KBTBD11: variants seen among roughly 807,000 people sequenced by gnomAD.
The protein encoded by KBTBD11 is kelch repeat and BTB domain-containing protein 11.
For missense variants in KBTBD11, 1,390 were observed against 1,001.8 expected (o/e 1.39, Z -5.23); for synonymous variants, 747 against 499.0 (o/e 1.50, Z -6.63).
chr8:1,977,865 A>G (rs1563361203), intron 1 of KBTBD11, among the ~76,000 whole-genome samples: 1 of 152,142 alleles, frequency 6.6e-6, no homozygotes. Flanking sequence ...AATTCTTACA[A>G]TAGTGGGCCT....
Position 2,001,404 on chromosome 8 carries a change from C to T in KBTBD11, c.212C>T (p.Pro71Leu). 1 of 1,406,228 alleles carries T rather than the reference C, an allele frequency of 7.1e-7. No homozygotes were observed. Among genetic ancestry groups the T allele is most frequent in the Non-Finnish European group, 9.2e-7 (1 of 1,083,784 alleles). 87.1% of individuals were successfully genotyped at this position (1,406,228 alleles called of 1,614,324 possible). The change falls in exon 2 of 2, where the codon CCG becomes CTG. Residue 71 changes from proline to leucine, a missense_variant. Pro to Leu is a moderately conservative substitution (Grantham distance 98). Coordinates refer to ENST00000320248, the MANE Select transcript of KBTBD11 (RefSeq NM_014867.3). ...AATSPPSSGGPRVVERQWEAG... is the reference protein window; with the variant it reads ...AATSPPSSGGLRVVERQWEAG... ...ACCTCCCCGCCCTCCAGCGGTGGCCCGCGGGTGGTGGAGCGGCAGTGGGAG... is the reference window on the plus strand; with the variant it reads ...ACCTCCCCGCCCTCCAGCGGTGGCCTGCGGGTGGTGGAGCGGCAGTGGGAG...
chr8:1,975,209 C>G (rs1231339425), intron 1 of KBTBD11: 1 of 152,234 alleles, frequency 6.6e-6, no homozygotes, highest in African/African-American at 2.4e-5. Context: ...CAGGGCATAA[C>G]TAAGTAAAAA....
At position 2,006,829 on chromosome 8, in the gene KBTBD11, G is replaced by A. The variant is rs1469189608; in HGVS notation, c.*3765G>A. The stretch of plus-strand genomic sequence containing the variant: ...AGCTGTTGTGATCTGTGTAGTTAAT[G>A]TATTTATTAATGCTTGACTTTTAAA... On this transcript the variant is annotated 3_prime_UTR_variant, in exon 2 of 2. Coordinates refer to ENST00000320248, the MANE Select transcript of KBTBD11 (RefSeq NM_014867.3). 13 of 167,090 alleles carry A rather than the reference G, an allele frequency of 7.8e-5. No individual in the cohort carries two copies. Among genetic ancestry groups the A allele is most frequent in the Non-Finnish European group, 2.9e-5 (2 of 68,134 alleles). 10.4% of individuals were successfully genotyped at this position (167,090 alleles called of 1,614,324 possible).
chr8:1,974,449 G>A (rs1438799619), intron 1 of KBTBD11: 1 of 984,192 alleles, frequency 1.0e-6, no homozygotes, highest in African/African-American at 1.8e-5. Context: ...CTTGGCTCTC[G>A]GCGGTCGCGG....
chr8:1,997,916 C>T (rs1430840706), intron 1 of KBTBD11, among the ~76,000 whole-genome samples: 2 of 152,150 alleles, frequency 1.3e-5, no homozygotes, highest in Admixed American at 6.5e-5. Context: ...GGAAGGGGCT[C>T]CTCAGAAGGA....
Position 2,002,005 on chromosome 8 carries a change from C to A in KBTBD11, c.813C>A (p.Ala271=). Residue 271 remains alanine, a synonymous_variant, in exon 2 of 2, where the codon GCC becomes GCA. Transcript: ENST00000320248. The surrounding 1 kb of genome is among the most constrained non-coding windows in gnomAD (Gnocchi z 4.1). ...ATCTGGAGGTGCTGCGCGAGCCCGC[C>A]GTGTTCGGCCGCCTGTCGGGCGCAG... is the stretch of plus-strand genomic sequence containing the variant. The part of the protein sequence containing the change: ...DHYLEVLREP[A]VFGRLSGAER... The A allele has an allele frequency of 7.0e-7, 1 of 1,418,734 alleles. No individual in the cohort carries two copies. Among genetic ancestry groups the A allele is most frequent in the African/African-American group, 1.5e-5 (1 of 66,948 alleles). The allele number at this position is 1,418,734 out of a possible 1,614,324, so 87.9% of individuals were successfully genotyped here.
chr8:1,976,311 T>C (rs1007994514), intron 1 of KBTBD11: 23 of 152,130 alleles, frequency 1.5e-4, no homozygotes, highest in African/African-American at 5.3e-4. Context: ...CTTGAAATCA[T>C]TGTAATTAAG....
intron 1 of KBTBD11, among the ~76,000 whole-genome samples, chr8:1,989,697 C>T (rs1281310539): frequency 1.3e-5 from 2 of 152,200 alleles, no homozygotes; most frequent in Non-Finnish European, 2.9e-5. Flanking sequence ...GAGCTCATAG[C>T]AGGCAGTGGT....
intron 1 of KBTBD11, among the ~76,000 whole-genome samples, chr8:1,980,995 G>A (rs1438723744): frequency 2.6e-5 from 4 of 152,166 alleles, no homozygotes; most frequent in Non-Finnish European, 5.9e-5. Flanking sequence ...TTGCAACAGG[G>A]CAAAATAGTA....
chr8:1,984,987 G>A (rs886438301), intron 1 of KBTBD11, among the ~76,000 whole-genome samples: 3 of 152,164 alleles, frequency 2.0e-5, no homozygotes, highest in African/African-American at 7.2e-5. Context: ...GAATCAGGGT[G>A]GAATGGCCTG....
chr8:1,975,041 C>T (rs1585712727), intron 1 of KBTBD11: 1 of 152,330 alleles, frequency 6.6e-6, no homozygotes, highest in Admixed American at 6.5e-5. Flanking sequence ...TCAATGGAAC[C>T]CTTCAGCCTT....
At chr8:1,981,414 G>A (rs1816536780) in intron 1 of KBTBD11, among the ~76,000 whole-genome samples, 1 of 152,226 alleles carries the variant, frequency 6.6e-6, no homozygotes, top group Middle Eastern at 3.4e-3. Context: ...CTGTAACGAT[G>A]GTATGTAAAT....
At position 2,003,362 on chromosome 8, in the gene KBTBD11, G is replaced by A; in HGVS notation, c.*298G>A. 1 of 309,974 alleles carries A rather than the reference G, an allele frequency of 3.2e-6. No homozygotes were observed. Among genetic ancestry groups the A allele is most frequent in the Non-Finnish European group, 6.0e-6 (1 of 166,948 alleles). 19.2% of individuals were successfully genotyped at this position (309,974 alleles called of 1,614,324 possible). On this transcript the variant is annotated 3_prime_UTR_variant, in exon 2 of 2. Transcript: ENST00000320248. Reference sequence around the variant, plus strand: ...AGGGTCAGCCTCAGGGTACAGTGGGGGTTCCTGAGGCAGCCTGCAGCCGGC... The same window carrying A: ...AGGGTCAGCCTCAGGGTACAGTGGGAGTTCCTGAGGCAGCCTGCAGCCGGC...
intron 1 of KBTBD11, among the ~76,000 whole-genome samples, chr8:1,995,088 AAG>A (rs1284924955): frequency 4.6e-5 from 7 of 150,614 alleles, no homozygotes; most frequent in Admixed American, 2.6e-4. Flanking sequence ...AAAAAGCTAA[AAG>A]AGTATATACA....
chr8:1,981,093 C>A (rs1816525757), intron 1 of KBTBD11, among the ~76,000 whole-genome samples: 1 of 152,194 alleles, frequency 6.6e-6, no homozygotes, highest in Non-Finnish European at 1.5e-5. Flanking sequence ...CAGTGAATTT[C>A]ATAGCAGAAA....
chr8:1,976,235 T>C (rs1816339007), intron 1 of KBTBD11: 1 of 152,120 alleles, frequency 6.6e-6, no homozygotes, highest in Admixed American at 6.5e-5. Flanking sequence ...GGGCGATATC[T>C]GCCCTTCTCC....
chr8:1,988,572 T>A (rs150126434), intron 1 of KBTBD11, among the ~76,000 whole-genome samples: 234 of 152,372 alleles, frequency 1.5e-3, no homozygotes, highest in African/African-American at 5.3e-3. Context: ...CACTTTTTGA[T>A]GACTTTTTTC....
At chr8:1,980,245 T>TTTTTG (rs1816494938) in intron 1 of KBTBD11, among the ~76,000 whole-genome samples, 2 of 148,924 alleles carry the variant, frequency 1.3e-5, no homozygotes, top group African/African-American at 5.1e-5. Context: ...TTTTTTTTTT[T>TTTTTG]GAGATGGGGT....
rs1817358500 is a variant in KBTBD11 at position 2,001,556 on chromosome 8, G to A, written c.364G>A (p.Glu122Lys). ...VWLEDPASPE[E>K]PGEPAPVPPG... ...GCTTGAGGACCCCGCGTCCCCCGAG[G>A]AGCCCGGGGAGCCCGCGCCCGTACC... is the stretch of plus-strand genomic sequence containing the variant. The change falls in exon 2 of 2, where the codon GAG becomes AAG. Residue 122 changes from glutamate (E) to lysine (K), a missense_variant. Glu to Lys is a moderately conservative substitution (Grantham distance 56). Coordinates refer to ENST00000320248, the MANE Select transcript of KBTBD11 (RefSeq NM_014867.3). 2 of 1,430,212 alleles carry A rather than the reference G, an allele frequency of 1.4e-6. No homozygotes were observed. The highest frequency in any genetic ancestry group is 2.8e-5 in the Admixed American group (1 of 35,862). 88.6% of individuals were successfully genotyped at this position (1,430,212 alleles called of 1,614,324 possible). A position where few individuals can be genotyped will look rare whatever the true frequency, so the allele number is the denominator to read the frequency against.
Sources: gnomAD v4.1 joint callset for allele counts (sites outside exome capture counted in the v4.1 genomes callset) on GRCh38, gnomAD v4.1.1 for gene constraint, Gnocchi (gnomAD v3.1) non-coding constraint, MANE v1.5 for transcripts, NCBI Gene and HGNC (gene_info 2026-07-23, HGNC 2026-07-21) for gene names.